Variants in GALNT2 observed in about 807,000 individuals in gnomAD.
GALNT2 encodes UDP-GalNAc:polypeptide N-acetylgalactosaminyltransferase 2.
GALNT2 carries 31 observed loss-of-function variants against 81.4 expected under a neutral mutation model. The observed-to-expected ratio is 0.38, with a 90% CI of 0.29 to 0.51. GALNT2 has a LOEUF of 0.51. Ranked by LOEUF, GALNT2 falls within the 20% of genes least tolerant of loss-of-function variation. The pLI is 0.87. For missense variants in GALNT2, 629 were observed against 765.7 expected (o/e 0.82, Z 2.11); for synonymous variants, 303 against 287.4 (o/e 1.05, Z -0.55).
chr1:230,192,503 A>G (rs2102697929), intron 2 of GALNT2, among the ~76,000 whole-genome samples: 1 of 152,340 alleles, frequency 6.6e-6, no homozygotes, highest in East Asian at 1.9e-4. Context: ...TAGGATGAAA[A>G]AGAAGATTGG....
intron 1 of GALNT2, among the ~76,000 whole-genome samples, chr1:230,097,524 A>G (rs1367030817): frequency 6.6e-6 from 1 of 152,166 alleles, no homozygotes; most frequent in Non-Finnish European, 1.5e-5. Flanking sequence ...GGCTCATTTC[A>G]CTTAACATAA....
chr1:230,180,457 T>A (rs903946662), intron 2 of GALNT2, among the ~76,000 whole-genome samples: 1 of 152,144 alleles, frequency 6.6e-6, no homozygotes, highest in Admixed American at 6.5e-5. Flanking sequence ...CTTTATTTGC[T>A]TCCATTGGTC....
At chr1:230,190,493 T>C (rs781512778) in intron 2 of GALNT2, among the ~76,000 whole-genome samples, 1 of 152,258 alleles carries the variant, frequency 6.6e-6, no homozygotes, top group Non-Finnish European at 1.5e-5. Flanking sequence ...TTCAATCTTT[T>C]CGTGAATTTC....
chr1:230,242,610 C>T (rs1032585287), intron 6 of GALNT2, among the ~76,000 whole-genome samples: 1 of 152,106 alleles, frequency 6.6e-6, no homozygotes, highest in Admixed American at 6.5e-5. Context: ...TCATGGCTCA[C>T]TTCCCAGGCT....
At chr1:230,240,433 A>C (rs556745819) in intron 6 of GALNT2, among the ~76,000 whole-genome samples, 6 of 152,204 alleles carry the variant, frequency 3.9e-5, no homozygotes, top group Non-Finnish European at 8.8e-5. Flanking sequence ...CTTTACTAAA[A>C]ATACGAAAAT....
At chr1:230,222,857 A>G (rs1664592339) in intron 3 of GALNT2, among the ~76,000 whole-genome samples, 1 of 152,162 alleles carries the variant, frequency 6.6e-6, no homozygotes, top group African/African-American at 2.4e-5. Context: ...AGTTAGAGAA[A>G]CAGAACTTGC....
chr1:230,185,730 A>G (rs1200615598), intron 2 of GALNT2, among the ~76,000 whole-genome samples: 1 of 152,198 alleles, frequency 6.6e-6, no homozygotes, highest in Middle Eastern at 3.2e-3. Context: ...TGTAAGCATG[A>G]GGGGATATTT....
At chr1:230,092,763 C>T (rs1660132964) in intron 1 of GALNT2, among the ~76,000 whole-genome samples, 1 of 152,034 alleles carries the variant, frequency 6.6e-6, no homozygotes, top group African/African-American at 2.4e-5. Flanking sequence ...AGATTCGAGG[C>T]CGCTTATAAG....
chr1:230,225,621 G>A (rs1271088614), intron 3 of GALNT2, among the ~76,000 whole-genome samples: 4 of 152,054 alleles, frequency 2.6e-5, no homozygotes, highest in Non-Finnish European at 5.9e-5. Flanking sequence ...ACCACAGGGG[G>A]TCAGATTGTG....
chr1:230,114,044 CAG>C (rs1243764367), intron 1 of GALNT2, among the ~76,000 whole-genome samples: 5 of 152,132 alleles, frequency 3.3e-5, no homozygotes, highest in African/African-American at 1.2e-4. Flanking sequence ...CCTTGGCTGT[CAG>C]AGTCTCATTT....
intron 2 of GALNT2, among the ~76,000 whole-genome samples, chr1:230,199,241 ATACCCTACTCTGTG>A (rs1461365355): frequency 4.6e-5 from 7 of 152,120 alleles, no homozygotes; most frequent in African/African-American, 2.4e-5. Context: ...CCTCTGACTC[ATACCCTACTCTGTG>A]TACCTCTCGC....
At chr1:230,114,543 G>A (rs769619863) in intron 1 of GALNT2, among the ~76,000 whole-genome samples, 10 of 152,226 alleles carry the variant, frequency 6.6e-5, no homozygotes, top group Non-Finnish European at 1.5e-4. Flanking sequence ...GCTGAACCCG[G>A]CACTGCTGGG....
intron 1 of GALNT2, among the ~76,000 whole-genome samples, chr1:230,079,442 C>T (rs1030497563): frequency 4.6e-5 from 7 of 152,248 alleles, no homozygotes; most frequent in African/African-American, 1.7e-4. Flanking sequence ...ACTAGCCTGC[C>T]CCACGGGTCA....
At position 230,191,073 on chromosome 1, in the gene GALNT2, A is replaced by G. The variant is rs12409144; in HGVS notation, c.221-12064A>G. ...TCTTCATTGTCCTTCTCCTGTTCCA[A>G]CAAGCAAGAAAGTGGAGACCAAGGG... On this transcript the variant is annotated intron_variant, in intron 2 of 15. Coordinates refer to ENST00000366672, the MANE Select transcript of GALNT2 (RefSeq NM_004481.5). Among the ~76,000 whole-genome samples, 1,342 of 152,186 alleles carry G rather than the reference A, an allele frequency of 8.8e-3. 69 individuals carry two copies. Among genetic ancestry groups the G allele is most frequent in the East Asian group, 0.062 (323 of 5,186 alleles).
At chr1:230,267,224 A>G (rs1666060585) in intron 14 of GALNT2, among the ~76,000 whole-genome samples, 1 of 152,158 alleles carries the variant, frequency 6.6e-6, no homozygotes, top group South Asian at 2.1e-4. Flanking sequence ...TTTGATAAAT[A>G]TTGTTGGAGG....
At chr1:230,248,066 A>G (rs1400898999) in intron 8 of GALNT2, among the ~76,000 whole-genome samples, 1 of 151,710 alleles carries the variant, frequency 6.6e-6, no homozygotes, top group African/African-American at 2.4e-5. Context: ...GCCCCTGTCC[A>G]TTTCCCTCTC....
intron 1 of GALNT2, among the ~76,000 whole-genome samples, chr1:230,132,856 A>G (rs1661410298): frequency 6.6e-6 from 1 of 152,114 alleles, no homozygotes; most frequent in South Asian, 2.1e-4. Context: ...TGAGCGTGGG[A>G]TGAGAGGGTA....
intron 1 of GALNT2, among the ~76,000 whole-genome samples, chr1:230,143,023 T>G (rs1220493985): frequency 6.6e-6 from 1 of 152,090 alleles, no homozygotes; most frequent in African/African-American, 2.4e-5. Context: ...TGGTTCAAAC[T>G]GTTTTTAGGG....
intron 3 of GALNT2, among the ~76,000 whole-genome samples, chr1:230,221,015 G>A (rs1364623135): frequency 6.6e-6 from 1 of 152,174 alleles, no homozygotes; most frequent in Non-Finnish European, 1.5e-5. Flanking sequence ...AAGTAGATAC[G>A]TGTTTGTTGC....
Sources: gnomAD v4.1 joint callset for allele counts (sites outside exome capture counted in the v4.1 genomes callset) on GRCh38, gnomAD v4.1.1 for gene constraint, MANE v1.5 for transcripts, NCBI Gene and HGNC (gene_info 2026-07-23, HGNC 2026-07-21) for gene names.